The following MRTFB variants were observed in gnomAD, a reference collection of about 807,000 sequenced individuals.
The protein encoded by MRTFB is myocardin-related transcription factor B.
A neutral mutation model predicts 104.2 loss-of-function variants in MRTFB; 29 were observed. The ratio of observed to expected loss-of-function variants is 0.28; its 90% CI spans 0.21 to 0.38. The LOEUF (loss-of-function observed/expected upper bound fraction) is 0.38. Among genes scored for constraint, MRTFB ranks in the 10% least tolerant of loss-of-function variants. The probability of loss-of-function intolerance (pLI) is 1.00; values close to 1 mark genes in which losing one functional copy is unlikely to be tolerated. For missense variants in MRTFB, 1,270 were observed against 1,341.6 expected, an observed-to-expected ratio of 0.95 and a Z score of 0.83; for synonymous variants, 535 against 519.5, an observed-to-expected ratio of 1.03 and a Z score of -0.41.
intron 3 of MRTFB, among the ~76,000 whole-genome samples, chr16:14,207,474 AT>A (rs2041001317): frequency 6.6e-6 from 1 of 152,208 alleles, no homozygotes; most frequent in Non-Finnish European, 1.5e-5. Flanking sequence ...TAGGAGCATC[AT>A]TTGTTATACA....
At chr16:14,039,682 T>C in the MRTFB span, among the ~76,000 whole-genome samples, 2 of 152,100 alleles carry the variant, frequency 1.3e-5, no homozygotes, top group East Asian at 3.9e-4. Flanking sequence ...TAGCATTTCA[T>C]GCACTTTTAA....
chr16:14,154,543 T>C (rs898779751), intron 3 of MRTFB, among the ~76,000 whole-genome samples: 5 of 152,236 alleles, frequency 3.3e-5, no homozygotes, highest in African/African-American at 1.2e-4. Context: ...ATAATAGTTA[T>C]CTATTGCTTT....
At chr16:14,148,765 C>T (rs1168558742) in intron 3 of MRTFB, 1 of 152,634 alleles carries the variant, frequency 6.6e-6, no homozygotes, top group Non-Finnish European at 1.5e-5. Context: ...ACAGCTTGCC[C>T]ATTATGACAT....
rs2043070433 is a variant in MRTFB at position 14,247,454 on chromosome 16, C to T, written c.2194C>T (p.Gln732Ter). ...TCAGCTGCTGCTCCCAGTGTCCATC[C>T]AGGGCTCGAGTGTCACCTCAGTGCA... ...TAQLLLPVSI[Q>*]GSSVTSVQLP... The change falls in exon 12 of 17, where the codon CAG (glutamine) becomes TAG (stop). Residue 732 changes from glutamine (Q) to a stop codon, truncating the protein, a stop_gained. Coordinates refer to ENST00000571589, the MANE Select transcript of MRTFB (RefSeq NM_001308142.2). LOFTEE classifies it high-confidence loss of function. 1 of 1,596,740 alleles carries T rather than the reference C, an allele frequency of 6.3e-7. No homozygotes were observed. The highest frequency in any genetic ancestry group is 8.5e-7 in the Non-Finnish European group (1 of 1,175,662).
intron 8 of MRTFB, among the ~76,000 whole-genome samples, chr16:14,221,315 C>T (rs1435637572): frequency 6.6e-6 from 1 of 152,184 alleles, no homozygotes; most frequent in African/African-American, 2.4e-5. Context: ...TATTTATCTA[C>T]CTAAATATAC....
chr16:14,188,349 C>T (rs1333603863), intron 3 of MRTFB, among the ~76,000 whole-genome samples: 3 of 151,996 alleles, frequency 2.0e-5, no homozygotes, highest in African/African-American at 7.3e-5. Context: ...GTGTCAAGCT[C>T]CTAATAATAC....
the MRTFB span, among the ~76,000 whole-genome samples, chr16:14,062,724 G>T: frequency 1.3e-5 from 2 of 152,188 alleles, no homozygotes; most frequent in African/African-American, 4.8e-5. Flanking sequence ...CCAGAGAAAA[G>T]AACTTGAGGC....
intron 3 of MRTFB, among the ~76,000 whole-genome samples, chr16:14,198,729 TC>T (rs1257584222): frequency 6.6e-6 from 1 of 152,238 alleles, no homozygotes; most frequent in East Asian, 1.9e-4. Context: ...AAAGCCATTA[TC>T]TGGGAACTCC....
the MRTFB span, among the ~76,000 whole-genome samples, chr16:14,061,716 C>T: frequency 6.6e-6 from 1 of 151,940 alleles, no homozygotes; most frequent in African/African-American, 2.4e-5. Context: ...AACCACTTTA[C>T]ACCCATCAAA....
At chr16:14,216,639 G>C (rs1276907760) in intron 6 of MRTFB, among the ~76,000 whole-genome samples, 1 of 151,804 alleles carries the variant, frequency 6.6e-6, no homozygotes, top group African/African-American at 2.4e-5. Flanking sequence ...AGACACAGGG[G>C]ATCAATTCAA....
At position 14,071,341 on chromosome 16, in the gene MRTFB, A is replaced by AGCG. The variant is rs926033240; in HGVS notation, c.-138_-136dup. 43 of 163,050 alleles carry AGCG rather than the reference A, an allele frequency of 2.6e-4. No individual in the cohort carries two copies. The highest frequency in any genetic ancestry group is 2.8e-4 in the Non-Finnish European group (22 of 79,840). The allele number at this position is 163,050 out of a possible 1,614,324, so 10.1% of individuals were successfully genotyped here. Reference sequence around the variant, plus strand: ...CGCGAGATCGCGCGGCGGCGGCGGGAGCGGCGGCGGCGGCGGCCGGGGAGG... The same window carrying AGCG: ...CGCGAGATCGCGCGGCGGCGGCGGGAGCGGCGGCGGCGGCGGCGGCCGGGGAGG... On this transcript the variant is annotated 5_prime_UTR_variant, in exon 1 of 17. Coordinates refer to ENST00000571589, the MANE Select transcript of MRTFB (RefSeq NM_001308142.2).
intron 3 of MRTFB, chr16:14,187,056 G>C: frequency 6.3e-7 from 1 of 1,579,182 alleles, no homozygotes; most frequent in Non-Finnish European, 8.5e-7. Context: ...CTGTGGACAG[G>C]GGCAAAACTG....
At chr16:14,047,249 G>A in the MRTFB span, among the ~76,000 whole-genome samples, 1 of 152,186 alleles carries the variant, frequency 6.6e-6, no homozygotes, top group Admixed American at 6.5e-5. Context: ...GAAAATGAGA[G>A]CATGCTGGTG....
chr16:14,217,061 GAAAT>G (rs2041460004), intron 6 of MRTFB, 61 bp from the exon 7 acceptor site: 10 of 1,479,172 alleles, frequency 6.8e-6, no homozygotes, highest in African/African-American at 5.6e-5. Context: ...TTGTTGGCCT[GAAAT>G]AACATTATGG....
chr16:14,071,105 G>T (rs1403382820), upstream of MRTFB, among the ~76,000 whole-genome samples: 1 of 152,182 alleles, frequency 6.6e-6, no homozygotes, highest in Non-Finnish European at 1.5e-5. Flanking sequence ...TGAGAAGGAG[G>T]CGGCCGCCTC....
the MRTFB span, among the ~76,000 whole-genome samples, chr16:14,017,593 G>GTATATATATATA: frequency 6.8e-5 from 4 of 59,108 alleles, no homozygotes; most frequent in Admixed American, 2.1e-4. Context: ...ACTGACTACA[G>GTATATATATATA]TATATATATA....
rs187534796 is a variant in MRTFB, at chr16:14,101,961, C to A, written c.-64+22607C>A. Among the ~76,000 whole-genome samples, 3 of 152,008 alleles carry A rather than the reference C, an allele frequency of 2.0e-5. No homozygotes were observed. The East Asian group carries it at 5.8e-4, about 29-fold the overall frequency. ...TTCCTCTCCAATTTAAATCAAGGTA[C>A]TATATTTAGGTATTTTGAAAAATAC... On this transcript the variant is annotated intron_variant, in intron 2 of 16. Coordinates refer to ENST00000571589, the MANE Select transcript of MRTFB (RefSeq NM_001308142.2).
chr16:14,136,762 T>TC (rs141732114), intron 2 of MRTFB, among the ~76,000 whole-genome samples: 1 of 151,854 alleles, frequency 6.6e-6, no homozygotes, highest in East Asian at 1.9e-4. Flanking sequence ...GTTTTTTTTT[T>TC]CCCCCTGTAT....
the MRTFB span, among the ~76,000 whole-genome samples, chr16:14,056,023 G>A: frequency 6.6e-6 from 1 of 151,992 alleles, no homozygotes; most frequent in South Asian, 2.1e-4. Context: ...CTGTCACCCA[G>A]GCTAGAGTGC....
Sources: allele counts gnomAD v4.1 joint callset (sites outside exome capture counted in the v4.1 genomes callset), GRCh38; gene constraint gnomAD v4.1.1; transcripts MANE v1.5; gene names NCBI Gene and HGNC (gene_info 2026-07-23, HGNC 2026-07-21).